Variants in SLC6A11 observed in about 807,000 individuals in gnomAD.
SLC6A11 encodes sodium- and chloride-dependent GABA transporter 3.
A neutral mutation model predicts 74.8 loss-of-function variants in SLC6A11; 25 were observed. That is an observed-to-expected ratio of 0.33 (90% CI 0.24 to 0.47). The LOEUF is 0.47. SLC6A11 is among the 20% of genes least tolerant of loss of function. SLC6A11 has a pLI of 1.00. For missense variants in SLC6A11, 574 were observed against 837.0 expected (o/e 0.69, Z 3.88); for synonymous variants, 330 against 330.2 (o/e 1.00, Z 0.01).
chr3:10,864,432 C>G lies in SLC6A11; in HGVS notation c.757-10529C>G, dbSNP rs554913292. On this transcript the variant is annotated intron_variant, in intron 5 of 13. Coordinates refer to ENST00000254488, the MANE Select transcript of SLC6A11 (RefSeq NM_014229.3). ...GTGAGCCCCTAGCAACCATGTACCC[C>G]TCAATGGAGAGCCCCCAAGCTCCTT... 5.9e-5 allele frequency among the ~76,000 whole-genome samples: 9 copies of G among 151,972 alleles called. No homozygotes were observed. The East Asian group carries it at 1.8e-3, about 30-fold the overall frequency.
intron 6 of SLC6A11, among the ~76,000 whole-genome samples, chr3:10,891,584 G>T (rs1193707825): frequency 6.6e-6 from 1 of 152,098 alleles, no homozygotes; most frequent in Non-Finnish European, 1.5e-5. Context: ...ACTCCATAAA[G>T]CTCATTTATT....
intron 6 of SLC6A11, among the ~76,000 whole-genome samples, chr3:10,885,597 TAAAA>T (rs35167441): frequency 1.4e-4 from 20 of 138,518 alleles, no homozygotes; most frequent in African/African-American, 3.4e-4. Context: ...GCCCCCATGA[TAAAA>T]AAAAAAAAAA....
In SLC6A11 at chr3:10,926,065, G is replaced by A. The variant is rs765869429; in HGVS notation, c.1182G>A (p.Leu394=). The change falls in exon 9 of 14, where the codon CTG becomes CTA. Residue 394 remains leucine, a synonymous_variant. Transcript: ENST00000254488. This position sits in a 1 kb window ranked among gnomAD's most constrained non-coding sequence, Gnocchi z 5.7. Reference sequence around the variant, plus strand: ...TCACCATGATGCCTCTCTCCCCGCTGTGGGCCACCTTGTTCTTCATGATGC... The same window carrying A: ...TCACCATGATGCCTCTCTCCCCGCTATGGGCCACCTTGTTCTTCATGATGC... ...KAVTMMPLSP[L]WATLFFMMLI... is the part of the protein sequence containing the mutation. The A allele has an allele frequency of 3.1e-6, 5 of 1,613,788 alleles. No individual in the cohort carries two copies. Among genetic ancestry groups the A allele is most frequent in the Non-Finnish European group, 3.4e-6 (4 of 1,179,774 alleles).
At chr3:10,846,189 G>C (rs953921339) in intron 5 of SLC6A11, among the ~76,000 whole-genome samples, 1 of 152,196 alleles carries the variant, frequency 6.6e-6, no homozygotes, top group African/African-American at 2.4e-5. Flanking sequence ...GATAATTCAA[G>C]TCATTGTTTC....
chr3:10,850,802 C>T (rs1462922325), intron 5 of SLC6A11, among the ~76,000 whole-genome samples: 1 of 152,162 alleles, frequency 6.6e-6, no homozygotes, highest in Non-Finnish European at 1.5e-5. Flanking sequence ...TTCATCCCTG[C>T]AAGCTGGCTG....
intron 6 of SLC6A11, among the ~76,000 whole-genome samples, chr3:10,897,120 G>T (rs1213616950): frequency 6.6e-6 from 1 of 152,098 alleles, no homozygotes; most frequent in Non-Finnish European, 1.5e-5. Context: ...CAGTATGGGG[G>T]AACTGCCCCC....
Position 10,844,468 on chromosome 3 carries a change from A to G in SLC6A11, c.756+122A>G, listed in dbSNP as rs1694478645. 4 of 1,197,058 alleles carry G rather than the reference A, an allele frequency of 3.3e-6. No individual in the cohort carries two copies. The East Asian group carries it at 9.7e-5, about 29-fold the overall frequency. 74.2% of individuals were successfully genotyped at this position (1,197,058 alleles called of 1,614,324 possible). A position where few individuals can be genotyped will look rare whatever the true frequency, so the allele number is the denominator to read the frequency against. On this transcript the variant is annotated intron_variant, in intron 5 of 13. Transcript: ENST00000254488. ...AGCACTTAAGTTGGGAGCGGGGAGG[A>G]ACACTGGACCAGAGTGAGCTCTACC...
In SLC6A11 at chr3:10,864,450, A is replaced by G. The variant is rs188540261; in HGVS notation, c.757-10511A>G. On this transcript the variant is annotated intron_variant, in intron 5 of 13. Coordinates refer to ENST00000254488, the MANE Select transcript of SLC6A11 (RefSeq NM_014229.3). ...TGTACCCCTCAATGGAGAGCCCCCA[A>G]GCTCCTTCCTCACCAGGTTCCTGGC... Among the ~76,000 whole-genome samples the G allele has an allele frequency of 3.6e-3, 547 of 151,828 alleles. 5 individuals carry two copies. Among genetic ancestry groups the G allele is most frequent in the African/African-American group, 0.013 (527 of 41,450 alleles).
intron 8 of SLC6A11, among the ~76,000 whole-genome samples, chr3:10,922,556 G>T (rs1040122335): frequency 6.6e-6 from 1 of 152,112 alleles, no homozygotes; most frequent in African/African-American, 2.4e-5. Flanking sequence ...AAACAAGGAT[G>T]GTTACCTTCA....
chr3:10,889,108 T>C (rs746164070), intron 6 of SLC6A11, among the ~76,000 whole-genome samples: 2 of 152,120 alleles, frequency 1.3e-5, no homozygotes, highest in Non-Finnish European at 2.9e-5. Flanking sequence ...TAATAGATTT[T>C]TATTAATTTT....
chr3:10,841,676 A>C (rs1694439287), intron 4 of SLC6A11, among the ~76,000 whole-genome samples: 1 of 152,208 alleles, frequency 6.6e-6, no homozygotes. Context: ...CACATTGTAG[A>C]AGAGAGGGGA....
At position 10,817,332 on chromosome 3, in the gene SLC6A11, G is replaced by A. The variant is rs537459515; in HGVS notation, c.256+811G>A. On this transcript the variant is annotated intron_variant, in intron 1 of 13. Coordinates refer to ENST00000254488, the MANE Select transcript of SLC6A11 (RefSeq NM_014229.3). ...AGAGATGTAGAAGGGGAGAGGGAAA[G>A]GACAGTGATGAGAGAGTCCTTTCTG... Among the ~76,000 whole-genome samples the A allele has an allele frequency of 6.8e-4, 104 of 152,152 alleles. 1 individual carries two copies. The highest frequency in any genetic ancestry group is 1.0e-3 in the Non-Finnish European group (70 of 68,018).
chr3:10,929,969 A>G (rs1266990925), intron 10 of SLC6A11, among the ~76,000 whole-genome samples: 2 of 152,172 alleles, frequency 1.3e-5, no homozygotes. Flanking sequence ...TTGGGAAGGT[A>G]ACATTAGGTA....
chr3:10,938,425 T>A lies in SLC6A11; in HGVS notation c.*23T>A, dbSNP rs1197065219. ...TGAGCGGCCACCAGCCATCTGGGGC[T>A]CTTCTTCCTTTCTTCCCCCCGTGTA... On this transcript the variant is annotated 3_prime_UTR_variant, in exon 14 of 14. Transcript: ENST00000254488. 2.6e-6 allele frequency: 4 copies of A among 1,567,102 alleles called. No homozygotes were observed. The South Asian group carries it at 4.6e-5, about 18-fold the overall frequency.
chr3:10,823,421 G>A (rs1353928949), intron 4 of SLC6A11, 29 bp downstream of exon 4: 3 of 1,430,578 alleles, frequency 2.1e-6, no homozygotes, highest in Middle Eastern at 2.0e-4. Flanking sequence ...GTCTCCCTTG[G>A]CCTGTGGGGG....
chr3:10,935,394 C>T (rs1289160621), intron 13 of SLC6A11, 195 bp downstream of exon 13: 1 of 577,456 alleles, frequency 1.7e-6, no homozygotes, highest in East Asian at 2.9e-5. Flanking sequence ...TTGGCTGAGC[C>T]AGTTTCTAGG....
intron 6 of SLC6A11, among the ~76,000 whole-genome samples, chr3:10,902,633 G>A (rs547810389): frequency 7.2e-5 from 11 of 152,340 alleles, no homozygotes; most frequent in South Asian, 2.1e-4. Flanking sequence ...AGCAGTAAGC[G>A]AAAGAGCAGA....
intron 5 of SLC6A11, among the ~76,000 whole-genome samples, chr3:10,871,748 C>G (rs1361276817): frequency 1.3e-5 from 2 of 151,692 alleles, no homozygotes; most frequent in Non-Finnish European, 2.9e-5. Context: ...TATATTTGAT[C>G]TGCACCTTTT....
At chr3:10,874,836 G>T (rs1208861897) in intron 5 of SLC6A11, 125 bp from the exon 6 acceptor site, 4 of 891,668 alleles carry the variant, frequency 4.5e-6, no homozygotes, top group Admixed American at 2.4e-5. Context: ...ACACGCGGGG[G>T]AATGCTGGTC....
Sources: allele counts gnomAD v4.1 joint callset (sites outside exome capture counted in the v4.1 genomes callset), GRCh38; gene constraint gnomAD v4.1.1; non-coding constraint Gnocchi (gnomAD v3.1); transcripts MANE v1.5; gene names NCBI Gene and HGNC (gene_info 2026-07-23, HGNC 2026-07-21).